The following KDM6A variants were observed in gnomAD, a reference collection of about 807,000 sequenced individuals.
The protein encoded by KDM6A is lysine-specific demethylase 6A.
In KDM6A, 11 loss-of-function variants were observed where a neutral mutation model predicts 117.6. The ratio of observed to expected loss-of-function variants is 0.09; its 90% CI spans 0.06 to 0.15. The LOEUF (loss-of-function observed/expected upper bound fraction) is 0.15. Ranked by LOEUF, KDM6A falls within the 10% of genes least tolerant of loss-of-function variation. The pLI is 1.00. For synonymous variants in KDM6A, 384 were observed against 396.1 expected, an observed-to-expected ratio of 0.97 and a Z score of 0.36; for missense variants, 799 against 1,077.3, an observed-to-expected ratio of 0.74 and a Z score of 3.62.
rs1200621001 is a variant in KDM6A at position 44,988,236 on chromosome X, C to T, written c.384+13521C>T. ...GCTTGTGCATTCGTCACATAGTTCT[C>T]GTGCCTTGGTTTTCAGCTCCATCAG... On this transcript the variant is annotated intron_variant, in intron 4 of 29. Transcript: ENST00000611820. Among the ~76,000 whole-genome samples, 7 of 111,898 alleles carry T rather than the reference C, an allele frequency of 6.3e-5. No individual in the cohort carries two copies. In the East Asian group the frequency reaches 2.0e-3, roughly 31 times the overall value.
chrX:45,040,583 G>C (rs868279417), intron 8 of KDM6A, among the ~76,000 whole-genome samples: 143 of 47,910 alleles, frequency 3.0e-3, no homozygotes, highest in African/African-American at 3.3e-3. Flanking sequence ...GGGCAGAGGC[G>C]CCCCTCACCT....
At chrX:44,942,991 A>G (rs960361802) in intron 2 of KDM6A, among the ~76,000 whole-genome samples, 11 of 111,351 alleles carry the variant, frequency 9.9e-5, no homozygotes, top group African/African-American at 3.6e-4. Context: ...ACTTTACAAG[A>G]GTATATACTT....
intron 2 of KDM6A, among the ~76,000 whole-genome samples, chrX:44,926,504 C>T (rs2036312574): frequency 9.0e-6 from 1 of 111,613 alleles, no homozygotes; most frequent in Non-Finnish European, 1.9e-5. Context: ...AGGCTCCTTT[C>T]AGTCTTCTGT....
intron 17 of KDM6A, among the ~76,000 whole-genome samples, chrX:45,068,561 T>A (rs115527970): frequency 1.8e-3 from 124 of 70,501 alleles, no homozygotes; most frequent in East Asian, 3.6e-3. Flanking sequence ...CCTTTTTTTT[T>A]AAAAAAAAAA....
chrX:44,990,086 G>C (rs1422055836), intron 4 of KDM6A, among the ~76,000 whole-genome samples: 3 of 112,053 alleles, frequency 2.7e-5, no homozygotes, highest in Admixed American at 1.9e-4. Flanking sequence ...GAAGGCAAAG[G>C]CCAGATCATA....
chrX:44,962,820 C>G (rs1332765525), intron 3 of KDM6A, among the ~76,000 whole-genome samples: 1 of 112,268 alleles, frequency 8.9e-6, no homozygotes, highest in African/African-American at 3.2e-5. Context: ...GAGCTTTCAT[C>G]AAGTTCTAAT....
chrX:45,107,632 A>G, intron 28 of KDM6A, 96 bp downstream of exon 28: 2 of 871,269 alleles, frequency 2.3e-6, no homozygotes, highest in East Asian at 3.4e-5. Flanking sequence ...TTATACTTTT[A>G]TGTAATCCAG....
intron 27 of KDM6A, chrX:45,106,763 T>A (rs1221119281): frequency 3.8e-6 from 1 of 262,820 alleles, no homozygotes; most frequent in Non-Finnish European, 7.3e-6. Context: ...TTAGAAAAGG[T>A]AGAAGTTATA....
At chrX:44,893,001 TAAAA>T (rs35013547) in intron 2 of KDM6A, among the ~76,000 whole-genome samples, 33 of 50,241 alleles carry the variant, frequency 6.6e-4, no homozygotes, top group Non-Finnish European at 1.0e-3. Context: ...AGACTCCATC[TAAAA>T]AAAAAAAAAA....
intron 2 of KDM6A, among the ~76,000 whole-genome samples, chrX:44,958,044 G>A (rs1238291130): frequency 1.8e-5 from 2 of 111,386 alleles, no homozygotes; most frequent in East Asian, 5.6e-4. Context: ...CAGATCATAG[G>A]GTATTTGTAT....
intron 4 of KDM6A, among the ~76,000 whole-genome samples, chrX:44,988,829 G>A (rs1168289582): frequency 1.8e-5 from 2 of 110,941 alleles, no homozygotes; most frequent in Non-Finnish European, 3.8e-5. Context: ...ACTGGGTGGT[G>A]CCTCCCAGTT....
At chrX:45,036,762 G>A (rs1309523827) in intron 7 of KDM6A, among the ~76,000 whole-genome samples, 1 of 112,416 alleles carries the variant, frequency 8.9e-6, no homozygotes, top group East Asian at 2.8e-4. Flanking sequence ...AGGTAACTTT[G>A]GTAAGTCAGT....
Position 45,111,517 on chromosome X carries a change from C to T in KDM6A, c.*106C>T. On this transcript the variant is annotated 3_prime_UTR_variant, in exon 30 of 30. Coordinates refer to ENST00000611820, the MANE Select transcript of KDM6A (RefSeq NM_001291415.2). Reference sequence around the variant, plus strand: ...ATCTCGTAAGGCTGCTGGCTGAAAACTGTGTCTATGCAACCTTCCAAGTGC... The same window carrying T: ...ATCTCGTAAGGCTGCTGGCTGAAAATTGTGTCTATGCAACCTTCCAAGTGC... 1.4e-6 allele frequency: 1 copy of T among 717,727 alleles called. No individual in the cohort carries two copies. Among genetic ancestry groups the T allele is most frequent in the Admixed American group, 2.3e-5 (1 of 44,056 alleles). The allele number at this position is 717,727 out of a possible 1,213,427, so 59.1% of individuals were successfully genotyped here. A position where few individuals can be genotyped will look rare whatever the true frequency, so the allele number is the denominator to read the frequency against.
Position 45,107,316 on chromosome X carries a change from A to C in KDM6A, c.4035-94A>C, listed in dbSNP as rs2046567403. 4.7e-6 allele frequency: 4 copies of C among 850,091 alleles called. No homozygotes were observed. In the Admixed American group the frequency reaches 9.0e-5, roughly 19 times the overall value. The allele number at this position is 850,091 out of a possible 1,213,427, so 70.1% of individuals were successfully genotyped here. A position where few individuals can be genotyped will look rare whatever the true frequency, so the allele number is the denominator to read the frequency against. ...TATGAAGTCATAGACATTAGAATCA[A>C]GTCTCTTGGCATTATTTCTAGTTGG... On this transcript the variant is annotated intron_variant, in intron 27 of 29. Coordinates refer to ENST00000611820, the MANE Select transcript of KDM6A (RefSeq NM_001291415.2).
intron 2 of KDM6A, among the ~76,000 whole-genome samples, chrX:44,894,542 G>C (rs1270915746): frequency 3.6e-5 from 4 of 109,710 alleles, no homozygotes; most frequent in African/African-American, 1.3e-4. Context: ...TGTTCTCTTT[G>C]TTTTCATTCC....
At position 45,047,674 on chromosome X, in the gene KDM6A, C is replaced by CTTTTTTTTTTTTTTTTTTTTTTTTT. The variant is rs78749806; in HGVS notation, c.655-4030_655-4006dup. ...TCAAATATCTGCTTGCTTTTTTTTT[C>CTTTTTTTTTTTTTTTTTTTTTTTTT]TTTTTTTTTTTTTTTTTTTTTTTTT... On this transcript the variant is annotated intron_variant, in intron 8 of 29. Coordinates refer to ENST00000611820, the MANE Select transcript of KDM6A (RefSeq NM_001291415.2). Among the ~76,000 whole-genome samples, 41 of 36,360 alleles carry CTTTTTTTTTTTTTTTTTTTTTTTTT rather than the reference C, an allele frequency of 1.1e-3. 18 individuals carry two copies. The highest frequency in any genetic ancestry group is 1.8e-3 in the Non-Finnish European group (36 of 19,605). 31.6% of individuals were successfully genotyped at this position (36,360 alleles called of 115,157 possible). A position where few individuals can be genotyped will look rare whatever the true frequency, so the allele number is the denominator to read the frequency against.
chrX:45,059,584 T>C, intron 12 of KDM6A, 118 bp downstream of exon 12: 1 of 539,985 alleles, frequency 1.9e-6, no homozygotes. Context: ...TCTGTTTCCA[T>C]ATTTTGTAAA....
chrX:44,989,436 T>G (rs2040449358), intron 4 of KDM6A, among the ~76,000 whole-genome samples: 1 of 108,185 alleles, frequency 9.2e-6, no homozygotes, highest in Non-Finnish European at 1.9e-5. Context: ...CACTCCCCAG[T>G]GAGATGAACC....
At chrX:44,996,344 G>T (rs932358656) in intron 4 of KDM6A, among the ~76,000 whole-genome samples, 1 of 109,726 alleles carries the variant, frequency 9.1e-6, no homozygotes, top group African/African-American at 3.3e-5. Flanking sequence ...CAAAGCGGTG[G>T]GATTACAGGT....
Sources: gnomAD v4.1 joint callset for allele counts (sites outside exome capture counted in the v4.1 genomes callset) on GRCh38, gnomAD v4.1.1 for gene constraint, MANE v1.5 for transcripts, NCBI Gene and HGNC (gene_info 2026-07-23, HGNC 2026-07-21) for gene names.